USP42: variants seen among roughly 807,000 people sequenced by gnomAD.
USP42 encodes ubiquitin carboxyl-terminal hydrolase 42.
A neutral mutation model predicts 113.0 loss-of-function variants in USP42; 23 were observed. The ratio of observed to expected loss-of-function variants is 0.20; its 90% CI spans 0.15 to 0.29. The LOEUF (loss-of-function observed/expected upper bound fraction) is 0.29. Among genes scored for constraint, USP42 ranks in the 10% least tolerant of loss-of-function variants. USP42 has a pLI of 1.00. For missense variants in USP42, 2,174 were observed against 1,779.8 expected (o/e 1.22, Z -3.99); for synonymous variants, 933 against 699.0 (o/e 1.33, Z -5.28).
intron 6 of USP42, 64 bp from the exon 7 acceptor site, chr7:6,140,850 C>T (rs1583649540): frequency 1.1e-6 from 1 of 878,494 alleles, no homozygotes; most frequent in Non-Finnish European, 1.8e-6. Context: ...TTTGTCATTT[C>T]AGTAGTTGAT....
intron 12 of USP42, 87 bp from the exon 13 acceptor site, chr7:6,149,496 A>C: frequency 2.0e-6 from 3 of 1,495,148 alleles, no homozygotes; most frequent in Non-Finnish European, 2.7e-6. Context: ...AAAAAGCAAA[A>C]TGGGAAGGAC....
Position 6,114,654 on chromosome 7 carries a change from GTGTA to G in USP42, c.242-667_242-664del, listed in dbSNP as rs1291768542. ...TGTGTGTGTATATATGTATGTGTGTGTGTATATATATATATATATATATATTTTT... is the reference window on the plus strand; with the variant it reads ...TGTGTGTGTATATATGTATGTGTGTGTATATATATATATATATATATTTTT... On this transcript the variant is annotated intron_variant, in intron 2 of 17. Coordinates refer to ENST00000306177, the MANE Select transcript of USP42 (RefSeq NM_032172.3). Among the ~76,000 whole-genome samples, 244 of 69,262 alleles carry G rather than the reference GTGTA, an allele frequency of 3.5e-3. 1 individual carries two copies. Among genetic ancestry groups the G allele is most frequent in the Middle Eastern group, 9.1e-3 (1 of 110 alleles). The allele number at this position is 69,262 out of a possible 152,430, so 45.4% of individuals were successfully genotyped here. A position where few individuals can be genotyped will look rare whatever the true frequency, so the allele number is the denominator to read the frequency against.
chr7:6,140,926 A>G lies in USP42; in HGVS notation c.737A>G (p.Asn246Ser), dbSNP rs371100707. ...ATTTTTATTTCAGTCAAATGTTTAA[A>G]TTGCAAGGGCGTTTCAGATACTTTT... The part of the protein sequence containing the change: ...GYLRSRVKCL[N>S]CKGVSDTFDP... Residue 246 changes from asparagine (N) to serine (S), a missense_variant, in exon 7 of 18, where the codon AAT becomes AGT. Asn to Ser is a conservative substitution (Grantham distance 46). Transcript: ENST00000306177. The G allele has an allele frequency of 7.1e-6, 11 of 1,555,566 alleles. No individual in the cohort carries two copies. Among genetic ancestry groups the G allele is most frequent in the Non-Finnish European group, 9.6e-6 (11 of 1,141,920 alleles).
chr7:6,148,165 C>T (rs918257637), intron 12 of USP42, among the ~76,000 whole-genome samples: 2 of 152,068 alleles, frequency 1.3e-5, no homozygotes, highest in African/African-American at 4.8e-5. Flanking sequence ...GGGTGAAACC[C>T]CGTCTCCACA....
chr7:6,115,094 C>T (rs1296623925), intron 2 of USP42, among the ~76,000 whole-genome samples: 1 of 152,046 alleles, frequency 6.6e-6, no homozygotes, highest in Non-Finnish European at 1.5e-5. Context: ...ATCTGTAACC[C>T]TCTCCCCTTT....
intron 2 of USP42, among the ~76,000 whole-genome samples, chr7:6,113,686 A>G (rs1212800323): frequency 6.6e-6 from 1 of 151,788 alleles, no homozygotes; most frequent in Non-Finnish European, 1.5e-5. Flanking sequence ...CAGTGTTGCA[A>G]TCTCGGCTCA....
At position 6,111,223 on chromosome 7, in the gene USP42, C is replaced by T; in HGVS notation, c.90C>T (p.Asp30=). 1 of 1,610,656 alleles carries T rather than the reference C, an allele frequency of 6.2e-7. No homozygotes were observed. The highest frequency in any genetic ancestry group is 8.5e-7 in the Non-Finnish European group (1 of 1,178,290). The part of the protein sequence containing the change: ...PGSSEAVSPG[D]MDAGSASWGA... ...GCTCCGAGGCAGTCTCACCTGGAGA[C>T]ATGGATGCAGGTTCTGCCAGCTGGG... is the stretch of plus-strand genomic sequence containing the variant. The change falls in exon 2 of 18, where the codon GAC becomes GAT. Residue 30 remains aspartate, a synonymous_variant. Coordinates refer to ENST00000306177, the MANE Select transcript of USP42 (RefSeq NM_032172.3).
intron 3 of USP42, among the ~76,000 whole-genome samples, chr7:6,133,635 T>G (rs1268340919): frequency 6.6e-6 from 1 of 151,458 alleles, no homozygotes; most frequent in Non-Finnish European, 1.5e-5. Context: ...CCATCCCACA[T>G]CAGCCTCTGG....
At chr7:6,127,736 C>T (rs961469533) in intron 3 of USP42, among the ~76,000 whole-genome samples, 1 of 152,098 alleles carries the variant, frequency 6.6e-6, no homozygotes, top group Non-Finnish European at 1.5e-5. Context: ...ACAATAGTTT[C>T]GGCTATTCTA....
rs1368749700 is a variant in USP42, at chr7:6,154,161, G to T, written c.2607G>T (p.Gln869His). Residue 869 changes from glutamine (Q) to histidine (H), a missense_variant, in exon 15 of 18, where the codon CAG becomes CAT. Physicochemically the swap from Gln to His is conservative, Grantham distance 24 (BLOSUM62 0). Transcript: ENST00000306177. ...PPARSEEPCEQPLLVHPSGDH... is the reference protein window; with the variant it reads ...PPARSEEPCEHPLLVHPSGDH... Reference sequence around the variant, plus strand: ...CGCGGTCGGAGGAGCCCTGCGAGCAGCCACTCCTTGTTCACCCCAGCGGGG... The same window carrying T: ...CGCGGTCGGAGGAGCCCTGCGAGCATCCACTCCTTGTTCACCCCAGCGGGG... The T allele has an allele frequency of 6.3e-7, 1 of 1,594,960 alleles. No individual in the cohort carries two copies. The highest frequency in any genetic ancestry group is 1.7e-5 in the Admixed American group (1 of 59,458).
the USP42 span, among the ~76,000 whole-genome samples, chr7:6,091,993 CTTCT>C: frequency 3.4e-4 from 22 of 65,322 alleles, 2 homozygotes; most frequent in African/African-American, 1.1e-3. Flanking sequence ...TCTTCTTCTT[CTTCT>C]TCTTCTTCTT....
At chr7:6,136,002 C>CTTT (rs11322306) in intron 4 of USP42, 51 bp downstream of exon 4, 653 of 548,650 alleles carry the variant, frequency 1.2e-3, no homozygotes, top group South Asian at 3.6e-3. Context: ...CCTAGTTATA[C>CTTT]TTTTTTTTTT....
chr7:6,120,808 T>A (rs1365321269), intron 3 of USP42, among the ~76,000 whole-genome samples: 2 of 151,980 alleles, frequency 1.3e-5, no homozygotes, highest in East Asian at 3.9e-4. Flanking sequence ...GGTCTCGAAC[T>A]CCTGGCCTCA....
Position 6,161,487 on chromosome 7 carries a change from A to AGAT in USP42, c.*970_*972dup, listed in dbSNP as rs1782789983. The AGAT allele has an allele frequency of 6.6e-6, 1 of 152,630 alleles. No homozygotes were observed. Among genetic ancestry groups the AGAT allele is most frequent in the Non-Finnish European group, 1.5e-5 (1 of 68,034 alleles). 9.5% of individuals were successfully genotyped at this position (152,630 alleles called of 1,614,324 possible). A position where few individuals can be genotyped will look rare whatever the true frequency, so the allele number is the denominator to read the frequency against. On this transcript the variant is annotated 3_prime_UTR_variant, in exon 18 of 18. Transcript: ENST00000306177. ...TAAAGTTTGATCTTTGTTTTTCTAA[A>AGAT]GATTAAAAAAGCACTTGCCCCACTG...
chr7:6,150,160 T>C lies in USP42; in HGVS notation c.1964T>C (p.Met655Thr), dbSNP rs1418748668. 1.2e-6 allele frequency: 2 copies of C among 1,613,764 alleles called. No homozygotes were observed. Among genetic ancestry groups the C allele is most frequent in the African/African-American group, 2.7e-5 (2 of 74,938 alleles). Residue 655 changes from methionine (M) to threonine (T), a missense_variant, in exon 13 of 18, where the codon ATG becomes ACG. Transcript: ENST00000306177. ...EATPHELQEPMTLNGANSADS... is the reference protein window; with the variant it reads ...EATPHELQEPTTLNGANSADS... The stretch of plus-strand genomic sequence containing the variant: ...ACTCCGCACGAGCTTCAAGAACCCA[T>C]GACCCTAAACGGTGCTAATAGTGCA...
Position 6,139,780 on chromosome 7 carries a change from A to ACT in USP42, c.657-343_657-342dup. On this transcript the variant is annotated intron_variant, in intron 5 of 17. Coordinates refer to ENST00000306177, the MANE Select transcript of USP42 (RefSeq NM_032172.3). The surrounding 1 kb of genome is among the most constrained non-coding windows in gnomAD (Gnocchi z 4.5). ...GATGACATACTTGGGTCGGAGGAAG[A>ACT]CTCTCTGCCTTTTCCGCCTCCGCTC... The ACT allele has an allele frequency of 2.7e-6, 1 of 369,420 alleles. No homozygotes were observed. The highest frequency in any genetic ancestry group is 5.0e-6 in the Non-Finnish European group (1 of 198,146). The allele number at this position is 369,420 out of a possible 1,614,324, so 22.9% of individuals were successfully genotyped here.
At chr7:6,091,726 G>A in the USP42 span, among the ~76,000 whole-genome samples, 1 of 83,474 alleles carries the variant, frequency 1.2e-5, no homozygotes, top group East Asian at 2.2e-4. Flanking sequence ...TATATATGTT[G>A]CTGATTTAAT....
At chr7:6,096,270 C>T in the USP42 span, among the ~76,000 whole-genome samples, 9 of 151,342 alleles carry the variant, frequency 5.9e-5, no homozygotes, top group East Asian at 1.5e-3. Flanking sequence ...GCCAGCAGTT[C>T]GAGACCAGCT....
chr7:6,101,382 G>T (rs1403181774), upstream of USP42, among the ~76,000 whole-genome samples: 1 of 151,190 alleles, frequency 6.6e-6, no homozygotes, highest in African/African-American at 2.5e-5. Flanking sequence ...GGGGCACTTG[G>T]AATCAGTTTG....
Sources: gnomAD v4.1 joint callset for allele counts (sites outside exome capture counted in the v4.1 genomes callset) on GRCh38, gnomAD v4.1.1 for gene constraint, Gnocchi (gnomAD v3.1) non-coding constraint, MANE v1.5 for transcripts, NCBI Gene and HGNC (gene_info 2026-07-23, HGNC 2026-07-21) for gene names.